Variants in ZNF197 observed in about 807,000 individuals in gnomAD.
The protein encoded by ZNF197 is VHL-associated KRAB-A domain-containing protein.
In ZNF197, 14 loss-of-function variants were observed where a neutral mutation model predicts 27.4. The observed-to-expected ratio is 0.51, with a 90% CI of 0.34 to 0.80. The LOEUF is 0.80. Among genes scored for constraint, ZNF197 ranks in the 30% least tolerant of loss-of-function variants. ZNF197 has a pLI of 0.02. For synonymous variants in ZNF197, 415 were observed against 420.0 expected (o/e 0.99, Z 0.15); for missense variants, 1,090 against 1,222.6 (o/e 0.89, Z 1.62).
chr3:44,634,516 C>T (rs555154659), intron 5 of ZNF197, among the ~76,000 whole-genome samples: 3 of 151,936 alleles, frequency 2.0e-5, no homozygotes, highest in Middle Eastern at 3.4e-3. Flanking sequence ...GTGGCGTGAT[C>T]TCAGCTCACT....
At chr3:44,625,786 ACT>A (rs1701624042) in intron 1 of ZNF197, among the ~76,000 whole-genome samples, 1 of 124,932 alleles carries the variant, frequency 8.0e-6, no homozygotes, top group South Asian at 3.0e-4. Context: ...ACACACACAC[ACT>A]CATTGCCAAC....
chr3:44,636,593 A>AATGG (rs1352535438), intron 5 of ZNF197, among the ~76,000 whole-genome samples: 1 of 152,216 alleles, frequency 6.6e-6, no homozygotes, highest in African/African-American at 2.4e-5. Context: ...TATTCCATTG[A>AATGG]ATGGATGTAT....
At chr3:44,638,762 C>A (rs925767827) in intron 5 of ZNF197, among the ~76,000 whole-genome samples, 1 of 152,210 alleles carries the variant, frequency 6.6e-6, no homozygotes, top group South Asian at 2.1e-4. Flanking sequence ...GGCGTGATCA[C>A]GGCTCACTAC....
chr3:44,636,599 T>G (rs926785954), intron 5 of ZNF197, among the ~76,000 whole-genome samples: 3 of 152,244 alleles, frequency 2.0e-5, no homozygotes, highest in Non-Finnish European at 2.9e-5. Flanking sequence ...ATTGAATGGA[T>G]GTATCTCCCA....
intron 3 of ZNF197, among the ~76,000 whole-genome samples, chr3:44,631,486 C>T (rs546682372): frequency 6.6e-5 from 10 of 152,052 alleles, no homozygotes; most frequent in African/African-American, 1.7e-4. Flanking sequence ...CTGCAACCTC[C>T]GCCTCCTGGG....
intron 5 of ZNF197, among the ~76,000 whole-genome samples, chr3:44,639,469 A>ATT (rs1240195444): frequency 7.2e-6 from 1 of 139,568 alleles, no homozygotes; most frequent in African/African-American, 2.6e-5. Context: ...GGTGGGGGTA[A>ATT]TTTTTTTTTT....
chr3:44,627,512 T>C (rs1701740291), intron 1 of ZNF197, among the ~76,000 whole-genome samples: 2 of 152,144 alleles, frequency 1.3e-5, no homozygotes, highest in Non-Finnish European at 2.9e-5. Context: ...ATGATCCTTT[T>C]ATTTTTCCTT....
intron 5 of ZNF197, among the ~76,000 whole-genome samples, chr3:44,634,777 G>A (rs1702193787): frequency 6.6e-6 from 1 of 152,064 alleles, no homozygotes; most frequent in Non-Finnish European, 1.5e-5. Flanking sequence ...ATTTTATTTT[G>A]ACATTTAAGC....
At chr3:44,641,297 A>G (rs1263261529) in intron 5 of ZNF197, among the ~76,000 whole-genome samples, 1 of 152,174 alleles carries the variant, frequency 6.6e-6, no homozygotes, top group Non-Finnish European at 1.5e-5. Flanking sequence ...GACTATTTAA[A>G]ATGAATTTTA....
chr3:44,636,970 A>C (rs1358693350), intron 5 of ZNF197, among the ~76,000 whole-genome samples: 1 of 152,212 alleles, frequency 6.6e-6, no homozygotes, highest in Non-Finnish European at 1.5e-5. Flanking sequence ...ATGTCAAGCA[A>C]CTTTTTATGT....
intron 1 of ZNF197, among the ~76,000 whole-genome samples, chr3:44,627,615 G>A (rs140493748): frequency 7.9e-4 from 120 of 152,062 alleles, no homozygotes; most frequent in African/African-American, 2.7e-3. Context: ...GGCAGATCAC[G>A]AGGTCAAGAG....
rs763962522 is a variant in ZNF197 at position 44,643,879 on chromosome 3, CTTG to C, written c.2754_2756del (p.Val919del). 17 of 1,613,460 alleles carry C rather than the reference CTTG, an allele frequency of 1.1e-5. No individual in the cohort carries two copies. The highest frequency in any genetic ancestry group is 3.3e-5 in the South Asian group (3 of 90,962). ...AAAAGACTTTAGTCAGAATAAAAAC[CTTG>C]TTGTACATCAGAGAATGCACACTGG... On this transcript the variant is annotated inframe_deletion, in exon 6 of 6. Transcript: ENST00000344387.
At chr3:44,631,401 T>TC (rs201788105) in intron 3 of ZNF197, among the ~76,000 whole-genome samples, 180 bp downstream of exon 3, 3 of 150,748 alleles carry the variant, frequency 2.0e-5, no homozygotes, top group Admixed American at 1.3e-4. Context: ...CTTGTATACA[T>TC]CCCCCCTTTT....
intron 5 of ZNF197, among the ~76,000 whole-genome samples, chr3:44,637,150 G>C (rs1702340493): frequency 6.6e-6 from 1 of 152,000 alleles, no homozygotes. Context: ...CTCCCATTCT[G>C]TGGGGTCTTG....
Position 44,643,020 on chromosome 3 carries a change from C to T in ZNF197, c.1890C>T (p.Ala630=), listed in dbSNP as rs552239255. 9.1e-5 allele frequency: 147 copies of T among 1,614,014 alleles called. 4 individuals are homozygous for T. The South Asian group carries it at 1.5e-3, about 17-fold the overall frequency. ...ACAAATGCACTGAATGTGGGAAAGC[C>T]TTTACTCAAAGTGCTTACCTTTTTG... is the stretch of plus-strand genomic sequence containing the variant. The part of the protein sequence containing the change: ...KPYKCTECGK[A]FTQSAYLFDH... The change falls in exon 6 of 6, where the codon GCC becomes GCT. Residue 630 remains alanine (A), a synonymous_variant. Transcript: ENST00000344387.
At position 44,646,367 on chromosome 3, in the gene ZNF197, C is replaced by G. The variant is rs940937189; in HGVS notation, c.*2147C>G. ...AGAATGCTGTGATTTACCTCTTCAC[C>G]GAGTAACAAAATGTCACATTGCTTA... On this transcript the variant is annotated 3_prime_UTR_variant, in exon 6 of 6. Transcript: ENST00000344387. 6 of 1,544,996 alleles carry G rather than the reference C, an allele frequency of 3.9e-6. No individual in the cohort carries two copies. Among genetic ancestry groups the G allele is most frequent in the Non-Finnish European group, 4.4e-6 (5 of 1,146,260 alleles).
At position 44,643,623 on chromosome 3, in the gene ZNF197, A is replaced by C. The variant is rs1702763803; in HGVS notation, c.2493A>C (p.Ser831=). 1.2e-6 allele frequency: 2 copies of C among 1,614,072 alleles called. No individual in the cohort carries two copies. Among genetic ancestry groups the C allele is most frequent in the South Asian group, 1.1e-5 (1 of 91,090 alleles). Reference sequence around the variant, plus strand: ...GTGGGAAGGTCTTCAGTTACCGCTCAAACCTTATAGCCCATCAGAGGATCC... The same window carrying C: ...GTGGGAAGGTCTTCAGTTACCGCTCCAACCTTATAGCCCATCAGAGGATCC... ...NDCGKVFSYR[S]NLIAHQRIHT... is the part of the protein sequence containing the mutation. The change falls in exon 6 of 6, where the codon TCA becomes TCC. Residue 831 remains serine, a synonymous_variant. Coordinates refer to ENST00000344387, the MANE Select transcript of ZNF197 (RefSeq NM_006991.5).
chr3:44,645,959 TATGA>T lies in ZNF197; in HGVS notation c.*1742_*1745del. On this transcript the variant is annotated 3_prime_UTR_variant, in exon 6 of 6. Coordinates refer to ENST00000344387, the MANE Select transcript of ZNF197 (RefSeq NM_006991.5). ...CAAAGTTCTGTTTCTGTAGCTGGAC[TATGA>T]ATAATACCTGAATATGAAGATTGTG... is the stretch of plus-strand genomic sequence containing the variant. 2.0e-6 allele frequency: 2 copies of T among 985,476 alleles called. No homozygotes were observed. The highest frequency in any genetic ancestry group is 2.4e-6 in the Non-Finnish European group (2 of 829,938). 61.0% of individuals were successfully genotyped at this position (985,476 alleles called of 1,614,324 possible).
At chr3:44,631,707 GTT>G (rs557334335) in intron 3 of ZNF197, among the ~76,000 whole-genome samples, 1 of 133,414 alleles carries the variant, frequency 7.5e-6, no homozygotes, top group Non-Finnish European at 1.6e-5. Flanking sequence ...GGCCATTTTT[GTT>G]TTTTTTTTTT....
Sources: allele counts gnomAD v4.1 joint callset (sites outside exome capture counted in the v4.1 genomes callset), GRCh38; gene constraint gnomAD v4.1.1; transcripts MANE v1.5; gene names NCBI Gene and HGNC (gene_info 2026-07-23, HGNC 2026-07-21).